Variants in USH2A observed in about 807,000 individuals in gnomAD.
USH2A encodes Usher syndrome 2A (autosomal recessive, mild).
A neutral mutation model predicts 538.9 loss-of-function variants in USH2A; 443 were observed. That is an observed-to-expected ratio of 0.82 (90% CI 0.76 to 0.89). USH2A has a LOEUF of 0.89. Ranked by LOEUF, USH2A falls within the 40% of genes least tolerant of loss-of-function variation. The pLI is 0.00. For synonymous variants in USH2A, 2,413 were observed against 2,273.5 expected (o/e 1.06, Z -1.75); for missense variants, 6,633 against 6,324.8 (o/e 1.05, Z -1.65).
In USH2A at chr1:215,625,720, C is replaced by T; in HGVS notation, c.*61G>A. The T allele has an allele frequency of 6.7e-7, 1 of 1,486,500 alleles. No individual in the cohort carries two copies. Among genetic ancestry groups the T allele is most frequent in the African/African-American group, 1.4e-5 (1 of 72,428 alleles). The allele number at this position is 1,486,500 out of a possible 1,614,324, so 92.1% of individuals were successfully genotyped here. ...AGCATTTATGATGTGTGAGTGATAA[C>T]CCAGGAGGAAATGGGTGCAGACCTT... On this transcript the variant is annotated 3_prime_UTR_variant, in exon 72 of 72. Transcript: ENST00000307340.
At chr1:216,236,312 A>G (rs1408714111) in intron 13 of USH2A, among the ~76,000 whole-genome samples, 2 of 152,056 alleles carry the variant, frequency 1.3e-5, no homozygotes, top group African/African-American at 4.8e-5. Context: ...AAGACCCCTC[A>G]TCCTTCAAGA....
chr1:216,194,903 G>A (rs1437538862), intron 19 of USH2A, among the ~76,000 whole-genome samples: 1 of 152,064 alleles, frequency 6.6e-6, no homozygotes, highest in East Asian at 1.9e-4. Flanking sequence ...TGAGCCACTT[G>A]GGACATAACA....
At chr1:216,037,205 GA>G (rs990017410) in intron 32 of USH2A, among the ~76,000 whole-genome samples, 1 of 152,094 alleles carries the variant, frequency 6.6e-6, no homozygotes, top group African/African-American at 2.4e-5. Context: ...GATTTTCCGT[GA>G]AAACTGTCAT....
chr1:215,883,457 T>C (rs1558143577), intron 41 of USH2A, among the ~76,000 whole-genome samples: 1 of 151,942 alleles, frequency 6.6e-6, no homozygotes, highest in African/African-American at 2.4e-5. Flanking sequence ...ACTGAGTTTC[T>C]TTTTTTCTTT....
intron 14 of USH2A, among the ~76,000 whole-genome samples, chr1:216,224,655 C>CTAATT (rs1315897950): frequency 6.6e-6 from 1 of 151,980 alleles, no homozygotes; most frequent in Non-Finnish European, 1.5e-5. Flanking sequence ...GGGCCGAGGT[C>CTAATT]TATTTTATTT....
rs1191865909 is a variant in USH2A, at chr1:216,083,505, T to A, written c.5249A>T (p.Asn1750Ile). Residue 1750 changes from asparagine to isoleucine, a missense_variant, in exon 26 of 72, where the codon AAT becomes ATT. Transcript: ENST00000307340. Reference sequence around the variant, plus strand: ...GTTATAAACGAAAAGAAGCAATCCATTTAATTGGTCAGTTCTGAACTTAAA... The same window carrying A: ...GTTATAAACGAAAAGAAGCAATCCAATTAATTGGTCAGTTCTGAACTTAAA... Reference protein sequence around the residue: ...ISFKFRTDQLNGLLLFVYNKD... With the variant: ...ISFKFRTDQLIGLLLFVYNKD... 1.9e-6 allele frequency: 3 copies of A among 1,612,518 alleles called. No individual in the cohort carries two copies. The African/African-American group carries it at 4.0e-5, about 22-fold the overall frequency.
At position 215,674,098 on chromosome 1, in the gene USH2A, A is replaced by C. The variant is rs766515318; in HGVS notation, c.13811+2T>G. 1.2e-6 allele frequency: 2 copies of C among 1,614,074 alleles called. No individual in the cohort carries two copies. The highest frequency in any genetic ancestry group is 1.7e-6 in the Non-Finnish European group (2 of 1,179,994). The stretch of plus-strand genomic sequence containing the variant: ...TCAGAAAACCGAGACATGGCTACCT[A>C]CCTGTGAAATGGCTTCAGCTGGTTT... On this transcript the variant is annotated splice_donor_variant, in intron 63 of 71. Coordinates refer to ENST00000307340, the MANE Select transcript of USH2A (RefSeq NM_206933.4). LOFTEE classifies it high-confidence loss of function.
chr1:215,786,855 A>G lies in USH2A; in HGVS notation c.10202T>C (p.Ile3401Thr), dbSNP rs755754255. Residue 3401 changes from isoleucine (I) to threonine (T), a missense_variant, in exon 52 of 72, where the codon ATC becomes ACC. Physicochemically the swap from Ile to Thr is moderately conservative, Grantham distance 89. Coordinates refer to ENST00000307340, the MANE Select transcript of USH2A (RefSeq NM_206933.4). ...MMMKETKECR[I>T]LCPASMEATE... ...GGCTTCCATAGATGCTGGGCAGAGG[A>G]TCCTGCACTCTTTGGTTTCCTGAGT... 3 of 1,613,876 alleles carry G rather than the reference A, an allele frequency of 1.9e-6. No homozygotes were observed. In the Admixed American group the frequency reaches 5.0e-5, roughly 27 times the overall value.
At chr1:216,007,944 C>G (rs1028067443) in intron 32 of USH2A, among the ~76,000 whole-genome samples, 1 of 152,210 alleles carries the variant, frequency 6.6e-6, no homozygotes, top group African/African-American at 2.4e-5. Context: ...ACATATATGT[C>G]TTGAAGACTG....
At position 215,759,749 on chromosome 1, in the gene USH2A, T is replaced by C. The variant is rs1488110538; in HGVS notation, c.11142A>G (p.Gln3714=). 5 of 1,614,072 alleles carry C rather than the reference T, an allele frequency of 3.1e-6. No homozygotes were observed. The highest frequency in any genetic ancestry group is 4.2e-6 in the Non-Finnish European group (5 of 1,179,956). Residue 3714 remains glutamine (Q), a synonymous_variant, in exon 57 of 72, where the codon CAA becomes CAG. Transcript: ENST00000307340. Reference sequence around the variant, plus strand: ...AGTTTCCATTACGACTCAATTGATATTGAGAAACGAGGCCATTGGGCTTTT... The same window carrying C: ...AGTTTCCATTACGACTCAATTGATACTGAGAAACGAGGCCATTGGGCTTTT... ...LPEKPNGLVS[Q]YQLSRNGNLL... is the part of the protein sequence containing the mutation.
intron 49 of USH2A, among the ~76,000 whole-genome samples, chr1:215,808,677 C>G (rs572838009): frequency 6.6e-6 from 1 of 152,200 alleles, no homozygotes; most frequent in African/African-American, 2.4e-5. Context: ...TGCAGTCTCA[C>G]AGTTGGTAGC....
At chr1:215,657,840 C>T (rs548454231) in intron 64 of USH2A, among the ~76,000 whole-genome samples, 15 of 152,108 alleles carry the variant, frequency 9.9e-5, no homozygotes, top group African/African-American at 3.6e-4. Flanking sequence ...TCTTTGGAGC[C>T]ATTTAATACT....
chr1:215,930,283 T>C (rs937908311), intron 38 of USH2A, among the ~76,000 whole-genome samples: 1 of 152,052 alleles, frequency 6.6e-6, no homozygotes, highest in African/African-American at 2.4e-5. Flanking sequence ...CTCGTCAGTA[T>C]GGAATTTGTC....
intron 4 of USH2A, among the ~76,000 whole-genome samples, chr1:216,350,386 G>A (rs377247553): frequency 7.9e-5 from 12 of 152,134 alleles, no homozygotes; most frequent in African/African-American, 2.7e-4. Context: ...TAACTCCAAA[G>A]TCCAAAGTCT....
chr1:216,198,940 C>A (rs2034919282), intron 17 of USH2A, among the ~76,000 whole-genome samples: 2 of 152,076 alleles, frequency 1.3e-5, no homozygotes, highest in African/African-American at 2.4e-5. Context: ...TTAAGAATGG[C>A]CAGTTCTTTT....
At position 216,275,643 on chromosome 1, in the gene USH2A, A is replaced by C. The variant is rs73098666; in HGVS notation, c.1971+13637T>G. Among the ~76,000 whole-genome samples, 485 of 152,238 alleles carry C rather than the reference A, an allele frequency of 3.2e-3. 1 individual carries two copies. The highest frequency in any genetic ancestry group is 0.011 in the African/African-American group (462 of 41,572). On this transcript the variant is annotated intron_variant, in intron 11 of 71. Transcript: ENST00000307340. Reference sequence around the variant, plus strand: ...AACAAATAAATCAGGTTTTCTAAAAAGTAACTTTATAAAATATTCAAATTT... The same window carrying C: ...AACAAATAAATCAGGTTTTCTAAAACGTAACTTTATAAAATATTCAAATTT...
chr1:216,404,126 A>T (rs1045246527), intron 3 of USH2A, among the ~76,000 whole-genome samples: 19 of 152,144 alleles, frequency 1.2e-4, no homozygotes, highest in Non-Finnish European at 4.4e-5. Context: ...ATGTGCTAAA[A>T]ATTACAAAAT....
intron 37 of USH2A, among the ~76,000 whole-genome samples, chr1:215,936,453 T>G (rs1666500346): frequency 6.6e-6 from 1 of 152,140 alleles, no homozygotes; most frequent in South Asian, 2.1e-4. Context: ...TGCTCTTTGC[T>G]AATTTACTTA....
At chr1:216,015,114 C>T (rs73092693) in intron 32 of USH2A, among the ~76,000 whole-genome samples, 2,230 of 152,222 alleles carry the variant, frequency 0.015, 46 homozygotes, top group African/African-American at 0.051. Context: ...TGCAACCTTC[C>T]CACAAATCAT....
Sources: allele counts gnomAD v4.1 joint callset (sites outside exome capture counted in the v4.1 genomes callset), GRCh38; gene constraint gnomAD v4.1.1; transcripts MANE v1.5; gene names NCBI Gene and HGNC (gene_info 2026-07-23, HGNC 2026-07-21).